The following NPEPPS variants were observed in gnomAD, a reference collection of about 807,000 sequenced individuals.
NPEPPS encodes the protein puromycin-sensitive aminopeptidase.
A neutral mutation model predicts 115.5 loss-of-function variants in NPEPPS; 14 were observed. The observed-to-expected ratio is 0.12, with a 90% CI of 0.08 to 0.19. The LOEUF (loss-of-function observed/expected upper bound fraction) is 0.19. Ranked by LOEUF, NPEPPS falls within the 10% of genes least tolerant of loss-of-function variation. The pLI, the probability that NPEPPS is intolerant of heterozygous loss-of-function variation, is 1.00. For synonymous variants in NPEPPS, 285 were observed against 390.6 expected (o/e 0.73, Z 3.19); for missense variants, 523 against 1,110.8 (o/e 0.47, Z 7.52).
In NPEPPS at chr17:47,531,422, G is replaced by C; in HGVS notation, c.122G>C (p.Gly41Ala). The C allele has an allele frequency of 6.5e-7, 1 of 1,547,544 alleles. No individual in the cohort carries two copies. The highest frequency in any genetic ancestry group is 1.2e-5 in the South Asian group (1 of 83,940). ...RSSRRRLHSL[G>A]LAAMPEKRPF... ...TCTCGCCGCCGCCTCCACAGCCTGGGCCTCGCCGCGATGCCGGAGAAGAGG... is the reference window on the plus strand; with the variant it reads ...TCTCGCCGCCGCCTCCACAGCCTGGCCCTCGCCGCGATGCCGGAGAAGAGG... The change falls in exon 1 of 23, where the codon GGC becomes GCC. Residue 41 changes from glycine (G) to alanine (A), a missense_variant. By Grantham distance (60) the Gly-to-Ala change is moderately conservative. Transcript: ENST00000322157.
intron 1 of NPEPPS, among the ~76,000 whole-genome samples, chr17:47,544,833 A>G (rs1302421710): frequency 1.4e-5 from 2 of 141,770 alleles, no homozygotes; most frequent in Non-Finnish European, 3.0e-5. Flanking sequence ...CTGCCCCTGC[A>G]TCGTGAGTAG....
chr17:47,577,355 A>G (rs1043030481), intron 3 of NPEPPS, among the ~76,000 whole-genome samples: 3 of 152,108 alleles, frequency 2.0e-5, no homozygotes, highest in African/African-American at 7.2e-5. Context: ...AGTTTCCATT[A>G]AAGGTAGTAG....
At chr17:47,589,972 CT>C (rs1912401051) in intron 9 of NPEPPS, among the ~76,000 whole-genome samples, 1 of 152,128 alleles carries the variant, frequency 6.6e-6, no homozygotes, top group Non-Finnish European at 1.5e-5. Flanking sequence ...TATCTGTTGT[CT>C]TTTCCTTTTC....
chr17:47,588,719 A>G (rs1362419304), intron 9 of NPEPPS, among the ~76,000 whole-genome samples: 1 of 152,156 alleles, frequency 6.6e-6, no homozygotes, highest in African/African-American at 2.4e-5. Context: ...TTATGATTTT[A>G]TTTTGAAACA....
At chr17:47,613,257 CTTTTTTT>C (rs753383358) in intron 18 of NPEPPS, among the ~76,000 whole-genome samples, 87 of 98,226 alleles carry the variant, frequency 8.9e-4, no homozygotes, top group South Asian at 1.3e-3. Context: ...ATAATATTTA[CTTTTTTT>C]TTTTTTTTTT....
At chr17:47,589,028 G>C (rs1912352656) in intron 9 of NPEPPS, among the ~76,000 whole-genome samples, 1 of 152,028 alleles carries the variant, frequency 6.6e-6, no homozygotes, top group Admixed American at 6.6e-5. Flanking sequence ...CAATCCTCCT[G>C]TCTCTGCCTC....
At chr17:47,601,197 C>T (rs953802342) in intron 14 of NPEPPS, among the ~76,000 whole-genome samples, 15 of 151,628 alleles carry the variant, frequency 9.9e-5, no homozygotes, top group African/African-American at 3.4e-4. Context: ...ATCACGCCAC[C>T]GCACTCCAGC....
At chr17:47,537,633 G>A (rs1169273885) in intron 1 of NPEPPS, among the ~76,000 whole-genome samples, 2 of 151,910 alleles carry the variant, frequency 1.3e-5, no homozygotes, top group Admixed American at 6.6e-5. Flanking sequence ...GCGGAGGAGC[G>A]GAGGTTGCGG....
intron 3 of NPEPPS, among the ~76,000 whole-genome samples, chr17:47,578,656 A>G (rs967060080): frequency 2.0e-5 from 3 of 152,142 alleles, no homozygotes. Flanking sequence ...TTAATAATTT[A>G]TTAATTAAAT....
In NPEPPS at chr17:47,584,220, C is replaced by CGG. The variant is rs146874360; in HGVS notation, c.649-1276_649-1275dup. 5.3e-4 allele frequency among the ~76,000 whole-genome samples: 75 copies of CGG among 140,212 alleles called. No homozygotes were observed. The South Asian group carries it at 6.5e-3, about 12-fold the overall frequency. 92.0% of individuals were successfully genotyped at this position (140,212 alleles called of 152,430 possible). ...TGGGTGACAGAGCAAGACTCCATCT[C>CGG]GGGGGAAAAAAAAAAAAAAGGTTGC... On this transcript the variant is annotated intron_variant, in intron 5 of 22. Coordinates refer to ENST00000322157, the MANE Select transcript of NPEPPS (RefSeq NM_006310.4).
intron 19 of NPEPPS, among the ~76,000 whole-genome samples, chr17:47,617,282 T>G (rs888687005): frequency 1.3e-5 from 2 of 152,164 alleles, no homozygotes; most frequent in African/African-American, 2.4e-5. Flanking sequence ...TTAAAAAGTG[T>G]GAAGATGCAT....
At chr17:47,555,440 C>T (rs1176385159) in intron 2 of NPEPPS, among the ~76,000 whole-genome samples, 3 of 151,340 alleles carry the variant, frequency 2.0e-5, no homozygotes, top group Admixed American at 6.6e-5. Context: ...CTCAGCCTCC[C>T]GGGTTCAAGT....
chr17:47,607,798 G>C (rs774118025), intron 17 of NPEPPS, among the ~76,000 whole-genome samples: 4 of 152,182 alleles, frequency 2.6e-5, no homozygotes, highest in Non-Finnish European at 5.9e-5. Context: ...TGCAGAACTG[G>C]AAGAATGAAG....
At chr17:47,612,380 A>T in intron 17 of NPEPPS, 80 bp from the exon 18 acceptor site, 4 of 1,452,504 alleles carry the variant, frequency 2.8e-6, no homozygotes, top group Non-Finnish European at 3.8e-6. Flanking sequence ...GGTATAGCAC[A>T]ATTATAAGAT....
At chr17:47,564,075 G>A (rs1259145190) in intron 2 of NPEPPS, among the ~76,000 whole-genome samples, 1 of 151,836 alleles carries the variant, frequency 6.6e-6, no homozygotes, top group East Asian at 1.9e-4. Flanking sequence ...TGGGATTACA[G>A]GCGCACGCCA....
At chr17:47,612,326 A>G in intron 17 of NPEPPS, 134 bp from the exon 18 acceptor site, 1 of 783,946 alleles carries the variant, frequency 1.3e-6, no homozygotes, top group East Asian at 2.7e-5. Flanking sequence ...GTATTCTCTC[A>G]GGTATTAAGT....
intron 12 of NPEPPS, chr17:47,596,045 C>G (rs1469047766): frequency 1.1e-5 from 2 of 185,410 alleles, no homozygotes; most frequent in African/African-American, 4.9e-5. Context: ...CCCAGCTACT[C>G]AGGAGGCTGA....
At position 47,619,254 on chromosome 17, in the gene NPEPPS, T is replaced by G. The variant is rs1449817501; in HGVS notation, c.2559+90T>G. On this transcript the variant is annotated intron_variant, in intron 21 of 22. Transcript: ENST00000322157. Reference sequence around the variant, plus strand: ...TACACCCATACATTGTGGTCTTTGCTCTTTAAATGTTTCCTGTGGCCAGGT... The same window carrying G: ...TACACCCATACATTGTGGTCTTTGCGCTTTAAATGTTTCCTGTGGCCAGGT... The G allele has an allele frequency of 4.6e-6, 6 of 1,294,752 alleles. No individual in the cohort carries two copies. In the South Asian group the frequency reaches 7.8e-5, roughly 17 times the overall value. 80.2% of individuals were successfully genotyped at this position (1,294,752 alleles called of 1,614,324 possible). A position where few individuals can be genotyped will look rare whatever the true frequency, so the allele number is the denominator to read the frequency against.
intron 1 of NPEPPS, among the ~76,000 whole-genome samples, chr17:47,540,412 A>G (rs1468839348): frequency 1.3e-5 from 2 of 152,216 alleles, no homozygotes; most frequent in Non-Finnish European, 2.9e-5. Context: ...ATAGTGGAAC[A>G]CACAGCTAAT....
Sources: allele counts gnomAD v4.1 joint callset (sites outside exome capture counted in the v4.1 genomes callset), GRCh38; gene constraint gnomAD v4.1.1; transcripts MANE v1.5; gene names NCBI Gene and HGNC (gene_info 2026-07-23, HGNC 2026-07-21).